The following CEP112 variants were observed in gnomAD, a reference collection of about 807,000 sequenced individuals.
CEP112 encodes centrosomal protein 112.
In CEP112, 127 loss-of-function variants were observed where a neutral mutation model predicts 153.0. The ratio of observed to expected loss-of-function variants is 0.83; its 90% CI spans 0.72 to 0.96. The LOEUF (loss-of-function observed/expected upper bound fraction) is 0.96, where lower values mean the gene tolerates loss of function less well. Among genes scored for constraint, CEP112 ranks in the 40% least tolerant of loss-of-function variants. The probability of loss-of-function intolerance (pLI) is 0.00; values close to 1 mark genes in which losing one functional copy is unlikely to be tolerated. For missense variants in CEP112, 1,089 were observed against 1,101.2 expected (o/e 0.99, Z 0.16); for synonymous variants, 358 against 374.4 (o/e 0.96, Z 0.51).
Position 66,066,847 on chromosome 17 carries a change from C to T in CEP112, c.886G>A (p.Glu296Lys). The change falls in exon 10 of 27, where the codon GAA becomes AAA. Residue 296 changes from glutamate to lysine, a missense_variant. By Grantham distance (56) the Glu-to-Lys change is moderately conservative (BLOSUM62 1). Transcript: ENST00000535342. ...ILERKNNEIE[E>K]LKTLYRSKQH... ...TTACTCCTGTATAAAGTTTTCAGTT[C>T]TTCTATTTCATTATTCTTTCTTTCT... is the stretch of plus-strand genomic sequence containing the variant. The T allele has an allele frequency of 6.5e-7, 1 of 1,541,684 alleles. No homozygotes were observed.
rs115101658 is a variant in CEP112 at position 65,740,185 on chromosome 17, C to T, written c.2607+2883G>A. 2.5e-3 allele frequency among the ~76,000 whole-genome samples: 375 copies of T among 152,224 alleles called. 2 individuals carry two copies. Among genetic ancestry groups the T allele is most frequent in the African/African-American group, 8.6e-3 (359 of 41,530 alleles). ...CAATATCCTTATATATGCTCTCCAACGTCATTTCCTATAGTGCACAGTTTT... is the reference window on the plus strand; with the variant it reads ...CAATATCCTTATATATGCTCTCCAATGTCATTTCCTATAGTGCACAGTTTT... On this transcript the variant is annotated intron_variant, in intron 23 of 26. Coordinates refer to ENST00000535342, the MANE Select transcript of CEP112 (RefSeq NM_001199165.4).
At chr17:66,061,331 G>A (rs2066913006) in intron 11 of CEP112, among the ~76,000 whole-genome samples, 1 of 151,980 alleles carries the variant, frequency 6.6e-6, no homozygotes, top group South Asian at 2.1e-4. Flanking sequence ...TACTGCTAGA[G>A]GGAATACAAA....
At chr17:66,070,498 G>A (rs1368025664) in intron 8 of CEP112, among the ~76,000 whole-genome samples, 8 of 151,828 alleles carry the variant, frequency 5.3e-5, no homozygotes, top group African/African-American at 1.5e-4. Context: ...ACTGATTAGT[G>A]CATATCTTTC....
intron 16 of CEP112, among the ~76,000 whole-genome samples, chr17:66,008,978 C>T (rs1336774237): frequency 6.6e-6 from 1 of 152,160 alleles, no homozygotes; most frequent in Non-Finnish European, 1.5e-5. Flanking sequence ...GTGAATAGTG[C>T]TGCAATGAAC....
At chr17:66,115,409 T>C (rs904422013) in intron 6 of CEP112, among the ~76,000 whole-genome samples, 2 of 152,182 alleles carry the variant, frequency 1.3e-5, no homozygotes, top group Non-Finnish European at 1.5e-5. Context: ...TAGCACCCAA[T>C]TCTGTGAGTC....
chr17:65,951,119 G>A (rs1367803178), intron 18 of CEP112, among the ~76,000 whole-genome samples: 3 of 152,074 alleles, frequency 2.0e-5, no homozygotes, highest in African/African-American at 7.2e-5. Context: ...GTCTGTATAT[G>A]TTGCTAGATT....
At chr17:66,159,013 G>A (rs1041710533) in intron 4 of CEP112, among the ~76,000 whole-genome samples, 3 of 152,060 alleles carry the variant, frequency 2.0e-5, no homozygotes, top group African/African-American at 7.2e-5. Flanking sequence ...AATGATAAAG[G>A]GGATATCACC....
At chr17:66,180,361 A>G (rs993858523) in intron 2 of CEP112, among the ~76,000 whole-genome samples, 1 of 152,094 alleles carries the variant, frequency 6.6e-6, no homozygotes, top group Non-Finnish European at 1.5e-5. Context: ...AAATTCTGTG[A>G]TAAAATTTTG....
intron 23 of CEP112, among the ~76,000 whole-genome samples, chr17:65,698,130 AC>A (rs1461224298): frequency 6.6e-6 from 1 of 152,124 alleles, no homozygotes; most frequent in African/African-American, 2.4e-5. Flanking sequence ...CTTTTGTGAT[AC>A]TGATGTGAAG....
At chr17:65,676,952 C>T (rs1311977550) in intron 24 of CEP112, among the ~76,000 whole-genome samples, 1 of 152,140 alleles carries the variant, frequency 6.6e-6, no homozygotes, top group African/African-American at 2.4e-5. Flanking sequence ...AGCACCACCC[C>T]TTGGATTATC....
intron 7 of CEP112, 86 bp downstream of exon 7, chr17:66,096,499 C>A (rs2068350101): frequency 2.6e-6 from 3 of 1,143,984 alleles, no homozygotes; most frequent in African/African-American, 1.6e-5. Context: ...TAATGTAGAT[C>A]CGCATTATTT....
At chr17:65,681,045 C>A (rs1034616082) in intron 24 of CEP112, among the ~76,000 whole-genome samples, 9 of 152,140 alleles carry the variant, frequency 5.9e-5, no homozygotes, top group Admixed American at 4.6e-4. Context: ...CAGGGGGCCA[C>A]AGAAAGTGCT....
At chr17:65,711,150 G>C (rs989086798) in intron 23 of CEP112, among the ~76,000 whole-genome samples, 1 of 152,134 alleles carries the variant, frequency 6.6e-6, no homozygotes, top group Admixed American at 6.5e-5. Context: ...CATTTGAGAG[G>C]TCATCTCCCA....
At chr17:65,985,656 A>C (rs990647910) in intron 17 of CEP112, among the ~76,000 whole-genome samples, 11 of 152,208 alleles carry the variant, frequency 7.2e-5, no homozygotes, top group Non-Finnish European at 1.3e-4. Context: ...ACAACAGAGA[A>C]AATGATGATG....
intron 20 of CEP112, among the ~76,000 whole-genome samples, chr17:65,879,230 G>T (rs2058965352): frequency 6.6e-6 from 1 of 152,192 alleles, no homozygotes; most frequent in African/African-American, 2.4e-5. Context: ...GCGAGGCCAG[G>T]AATGACAGGG....
At chr17:65,911,226 A>T (rs2060270936) in intron 19 of CEP112, among the ~76,000 whole-genome samples, 1 of 152,240 alleles carries the variant, frequency 6.6e-6, no homozygotes, top group Non-Finnish European at 1.5e-5. Flanking sequence ...CCTGGTGGTG[A>T]GCACATAATT....
At chr17:65,901,526 G>A (rs746593140) in intron 20 of CEP112, among the ~76,000 whole-genome samples, 1 of 152,068 alleles carries the variant, frequency 6.6e-6, no homozygotes, top group East Asian at 1.9e-4. Flanking sequence ...CAAGTTTGAG[G>A]AGTCAAATGC....
chr17:66,041,964 G>A (rs558108445), intron 12 of CEP112, among the ~76,000 whole-genome samples: 1 of 152,282 alleles, frequency 6.6e-6, no homozygotes, highest in South Asian at 2.1e-4. Flanking sequence ...ATGGAAAGGT[G>A]GGGAGTAACT....
At chr17:65,949,525 A>T (rs1448755108) in intron 18 of CEP112, among the ~76,000 whole-genome samples, 1 of 152,166 alleles carries the variant, frequency 6.6e-6, no homozygotes, top group African/African-American at 2.4e-5. Flanking sequence ...ATTTGAGGGG[A>T]TCCTAGAGGC....
Sources: allele counts gnomAD v4.1 joint callset (sites outside exome capture counted in the v4.1 genomes callset), GRCh38; gene constraint gnomAD v4.1.1; transcripts MANE v1.5; gene names NCBI Gene and HGNC (gene_info 2026-07-23, HGNC 2026-07-21).